Variants in RFX3 observed in about 807,000 individuals in gnomAD.
RFX3 encodes the protein regulatory factor X3.
Under a neutral mutation model 98.6 loss-of-function variants are expected in RFX3, and 14 were observed. That is an observed-to-expected ratio of 0.14 (90% CI 0.09 to 0.22). The LOEUF (loss-of-function observed/expected upper bound fraction) is 0.22. Ranked by LOEUF, RFX3 falls within the 10% of genes least tolerant of loss-of-function variation. RFX3 has a pLI of 1.00. For missense variants in RFX3, 639 were observed against 926.9 expected (o/e 0.69, Z 4.03); for synonymous variants, 383 against 328.4 (o/e 1.17, Z -1.80).
At chr9:3,490,622 T>C (rs1303652204) in intron 1 of RFX3, among the ~76,000 whole-genome samples, 1 of 152,054 alleles carries the variant, frequency 6.6e-6, no homozygotes, top group East Asian at 1.9e-4. Flanking sequence ...AGTATTGTAA[T>C]AATAAGAAAT....
intron 2 of RFX3, among the ~76,000 whole-genome samples, chr9:3,369,099 C>G (rs926956391): frequency 7.9e-5 from 12 of 152,110 alleles, no homozygotes. Context: ...AATAGCACAC[C>G]AGGAGAAAAA....
intron 1 of RFX3, among the ~76,000 whole-genome samples, chr9:3,508,309 G>A (rs996448531): frequency 5.3e-5 from 8 of 151,792 alleles, no homozygotes; most frequent in Non-Finnish European, 4.4e-5. Flanking sequence ...CAAGTATTTA[G>A]CACTTTCTAT....
intron 15 of RFX3, among the ~76,000 whole-genome samples, chr9:3,239,332 A>G (rs536206614): frequency 3.3e-5 from 5 of 152,136 alleles, no homozygotes; most frequent in Admixed American, 6.5e-5. Context: ...GTACTTTTCT[A>G]TGTATCTTTA....
chr9:3,301,204 A>AT (rs752166076), intron 5 of RFX3, among the ~76,000 whole-genome samples: 4,667 of 152,000 alleles, frequency 0.031, 96 homozygotes, highest in Middle Eastern at 0.075. Context: ...TGCAGATTAC[A>AT]AGTATTTGCT....
At chr9:3,361,663 A>G (rs1007062532) in intron 2 of RFX3, among the ~76,000 whole-genome samples, 4 of 102,914 alleles carry the variant, frequency 3.9e-5, no homozygotes, top group South Asian at 2.6e-4. Context: ...TTCTTTAGGA[A>G]AAAAAAAAAA....
intron 8 of RFX3, among the ~76,000 whole-genome samples, chr9:3,276,758 A>T (rs1309348105): frequency 1.3e-5 from 2 of 152,052 alleles, no homozygotes; most frequent in East Asian, 3.8e-4. Context: ...GTTCATCTCT[A>T]GAAGAGTTGT....
intron 15 of RFX3, among the ~76,000 whole-genome samples, chr9:3,244,993 G>C (rs1011490073): frequency 2.0e-5 from 3 of 152,172 alleles, no homozygotes; most frequent in African/African-American, 7.2e-5. Context: ...TTCAACACAA[G>C]TCAACATGAT....
chr9:3,470,126 G>C (rs960893089), intron 1 of RFX3, among the ~76,000 whole-genome samples: 6 of 152,096 alleles, frequency 3.9e-5, no homozygotes, highest in African/African-American at 7.2e-5. Context: ...TTTAAGTATA[G>C]ACACAGACAT....
At chr9:3,225,581 T>A (rs1287460613) in intron 16 of RFX3, among the ~76,000 whole-genome samples, 1 of 152,172 alleles carries the variant, frequency 6.6e-6, no homozygotes, top group Non-Finnish European at 1.5e-5. Context: ...TTATATTAAA[T>A]AATGGCATAA....
At chr9:3,287,760 T>A (rs1284485170) in intron 7 of RFX3, among the ~76,000 whole-genome samples, 1 of 151,970 alleles carries the variant, frequency 6.6e-6, no homozygotes, top group Non-Finnish European at 1.5e-5. Flanking sequence ...GAATTCATAC[T>A]GTGTCAAAAA....
intron 1 of RFX3, among the ~76,000 whole-genome samples, chr9:3,503,050 A>T (rs527302974): frequency 6.6e-6 from 1 of 152,174 alleles, no homozygotes; most frequent in Non-Finnish European, 1.5e-5. Flanking sequence ...TATACCTCAC[A>T]TATCTTTTCA....
chr9:3,283,873 G>T lies in RFX3; in HGVS notation c.851+4258C>A, dbSNP rs139672734. Among the ~76,000 whole-genome samples, 28 of 151,618 alleles carry T rather than the reference G, an allele frequency of 1.8e-4. No homozygotes were observed. In the East Asian group the frequency reaches 5.0e-3, roughly 27 times the overall value. ...ATTTTATTACGTGTATTTCTGTTTGGGTTATCTTACCTCTTTGAGGGTGGA... is the reference window on the plus strand; with the variant it reads ...ATTTTATTACGTGTATTTCTGTTTGTGTTATCTTACCTCTTTGAGGGTGGA... On this transcript the variant is annotated intron_variant, in intron 7 of 16. Transcript: ENST00000617270.
In RFX3 at chr9:3,251,003, A is replaced by ACAAT. The variant is rs1183996879; in HGVS notation, c.1815-2822_1815-2819dup. Among the ~76,000 whole-genome samples, 9 of 152,196 alleles carry ACAAT rather than the reference A, an allele frequency of 5.9e-5. No homozygotes were observed. In the East Asian group the frequency reaches 1.7e-3, roughly 29 times the overall value. On this transcript the variant is annotated intron_variant, in intron 14 of 16. Transcript: ENST00000617270. ...CTTGAACTTATCCAAAGATATACGTACAATCGTATATGAAGATAATCATAA... is the reference window on the plus strand; with the variant it reads ...CTTGAACTTATCCAAAGATATACGTACAATCAATCGTATATGAAGATAATCATAA...
At chr9:3,309,450 T>C (rs1829716244) in intron 4 of RFX3, among the ~76,000 whole-genome samples, 1 of 152,078 alleles carries the variant, frequency 6.6e-6, no homozygotes, top group South Asian at 2.1e-4. Context: ...CTTGTTGGAA[T>C]GAAGGACAGG....
At chr9:3,424,608 C>T (rs887640170) in intron 1 of RFX3, among the ~76,000 whole-genome samples, 1 of 151,900 alleles carries the variant, frequency 6.6e-6, no homozygotes, top group Non-Finnish European at 1.5e-5. Context: ...GCTCCGCCCG[C>T]CTCGGCCTCC....
intron 1 of RFX3, among the ~76,000 whole-genome samples, chr9:3,508,101 T>C (rs1405295151): frequency 2.6e-5 from 4 of 151,930 alleles, no homozygotes; most frequent in Non-Finnish European, 5.9e-5. Flanking sequence ...GAGCTATTTC[T>C]AAAAATTCAA....
chr9:3,441,773 T>C (rs1436335516), intron 1 of RFX3, among the ~76,000 whole-genome samples: 5 of 152,194 alleles, frequency 3.3e-5, no homozygotes, highest in Admixed American at 3.3e-4. Flanking sequence ...AAAGAACTTA[T>C]GTAAATACCC....
At chr9:3,416,963 G>C (rs1564072980) in intron 1 of RFX3, among the ~76,000 whole-genome samples, 2 of 151,566 alleles carry the variant, frequency 1.3e-5, no homozygotes, top group Non-Finnish European at 2.9e-5. Context: ...AAAAAACAAA[G>C]ACAAACAAAA....
At chr9:3,480,609 G>T (rs1169811753) in intron 1 of RFX3, among the ~76,000 whole-genome samples, 1 of 152,186 alleles carries the variant, frequency 6.6e-6, no homozygotes, top group African/African-American at 2.4e-5. Context: ...GCTAAAGCTT[G>T]AAGACTGAGC....
Sources: allele counts gnomAD v4.1 joint callset (sites outside exome capture counted in the v4.1 genomes callset), GRCh38; gene constraint gnomAD v4.1.1; transcripts MANE v1.5; gene names NCBI Gene and HGNC (gene_info 2026-07-23, HGNC 2026-07-21).